Variants in CADPS2 observed in about 807,000 individuals in gnomAD.
CADPS2 encodes calcium-dependent secretion activator 2.
In CADPS2, 93 loss-of-function variants were observed where a neutral mutation model predicts 172.5. The ratio of observed to expected loss-of-function variants is 0.54; its 90% CI spans 0.46 to 0.64. The LOEUF is 0.64. CADPS2 is among the 30% of genes least tolerant of loss of function. The probability of loss-of-function intolerance (pLI) is 0.00; values close to 1 mark genes in which losing one functional copy is unlikely to be tolerated. For missense variants in CADPS2, 1,420 were observed against 1,565.9 expected (o/e 0.91, Z 1.57); for synonymous variants, 546 against 555.2 (o/e 0.98, Z 0.23).
chr7:122,414,738 C>A (rs79769016), intron 18 of CADPS2, among the ~76,000 whole-genome samples: 1 of 152,128 alleles, frequency 6.6e-6, no homozygotes, highest in East Asian at 1.9e-4. Flanking sequence ...TAACCAGATA[C>A]AATAAATCTT....
chr7:122,678,945 T>C (rs1481306395), intron 2 of CADPS2, among the ~76,000 whole-genome samples: 1 of 152,178 alleles, frequency 6.6e-6, no homozygotes, highest in Non-Finnish European at 1.5e-5. Context: ...TTCCTATGCC[T>C]GTCTTTTATC....
At chr7:122,788,550 G>A (rs961585186) in intron 1 of CADPS2, among the ~76,000 whole-genome samples, 14 of 152,070 alleles carry the variant, frequency 9.2e-5, no homozygotes, top group Admixed American at 2.0e-4. Context: ...CTTAAACTCC[G>A]CCCTTCTCAA....
intron 3 of CADPS2, among the ~76,000 whole-genome samples, chr7:122,643,979 C>T (rs1018905728): frequency 1.3e-5 from 2 of 152,006 alleles, no homozygotes; most frequent in South Asian, 2.1e-4. Context: ...ATCCCATGTA[C>T]TCCAGAGGCT....
At chr7:122,531,968 T>A (rs559527944) in intron 8 of CADPS2, among the ~76,000 whole-genome samples, 4 of 151,032 alleles carry the variant, frequency 2.6e-5, no homozygotes, top group Non-Finnish European at 4.4e-5. Flanking sequence ...GAGGCGGAGG[T>A]TGCAGTGAGC....
intron 1 of CADPS2, among the ~76,000 whole-genome samples, chr7:122,824,425 C>T (rs1018002542): frequency 2.6e-5 from 4 of 152,104 alleles, no homozygotes; most frequent in Non-Finnish European, 4.4e-5. Context: ...TGAAGCTCTG[C>T]CAGCAACAAA....
intron 6 of CADPS2, among the ~76,000 whole-genome samples, chr7:122,601,726 T>A (rs2072814691): frequency 6.6e-6 from 1 of 152,008 alleles, no homozygotes; most frequent in Non-Finnish European, 1.5e-5. Flanking sequence ...GACGTACTCT[T>A]CCCAGGAAAA....
chr7:122,613,826 G>A (rs1023597480), intron 6 of CADPS2, among the ~76,000 whole-genome samples: 5 of 152,000 alleles, frequency 3.3e-5, no homozygotes, highest in East Asian at 1.9e-4. Context: ...TAATAATTCC[G>A]CTTGGATGCT....
chr7:122,691,729 G>A (rs1362861105), intron 2 of CADPS2, among the ~76,000 whole-genome samples: 1 of 152,154 alleles, frequency 6.6e-6, no homozygotes, highest in African/African-American at 2.4e-5. Context: ...GAATGCATTG[G>A]TCAGGTCCAC....
chr7:122,325,623 A>G (rs774890097), intron 28 of CADPS2, 42 bp from the exon 29 acceptor site: 16 of 1,248,050 alleles, frequency 1.3e-5, no homozygotes, highest in Non-Finnish European at 1.9e-5. Context: ...GAACAAAAAA[A>G]GAAAACAACC....
intron 1 of CADPS2, among the ~76,000 whole-genome samples, chr7:122,777,494 C>T (rs534608689): frequency 2.0e-4 from 31 of 152,230 alleles, no homozygotes; most frequent in Admixed American, 8.5e-4. Context: ...ATCTCTTAAA[C>T]GGGCTACAAG....
rs191455405 is a variant in CADPS2 at position 122,578,922 on chromosome 7, G to C, written c.1335+2257C>G. Among the ~76,000 whole-genome samples the C allele has an allele frequency of 2.2e-3, 338 of 152,166 alleles. 1 individual carries two copies. Among genetic ancestry groups the C allele is most frequent in the African/African-American group, 7.8e-3 (324 of 41,550 alleles). The stretch of plus-strand genomic sequence containing the variant: ...AGTTGCAAATGGATCTGGTGCTAGG[G>C]TGAGAAAAGGGGAAACAAGGGAGAT... On this transcript the variant is annotated intron_variant, in intron 7 of 29. Coordinates refer to ENST00000449022, the MANE Select transcript of CADPS2 (RefSeq NM_017954.11).
rs760993768 is a variant in CADPS2 at position 122,441,579 on chromosome 7, TAAAAACAAAAGA to T, written c.2289-16_2289-5del. ...TCGTCCAAAGGGAAAACAGTATCTT[TAAAAACAAAAGA>T]AAGAACAAAAGAGTCAAACATTTAA... On this transcript the variant is annotated splice_region_variant and splice_polypyrimidine_tract_variant and intron_variant, in intron 15 of 29. Coordinates refer to ENST00000449022, the MANE Select transcript of CADPS2 (RefSeq NM_017954.11). The T allele has an allele frequency of 1.3e-6, 2 of 1,522,988 alleles. No homozygotes were observed. Among genetic ancestry groups the T allele is most frequent in the African/African-American group, 2.8e-5 (2 of 71,488 alleles). 94.3% of individuals were successfully genotyped at this position (1,522,988 alleles called of 1,614,324 possible).
intron 8 of CADPS2, among the ~76,000 whole-genome samples, chr7:122,527,611 A>T (rs62474625): frequency 2.7e-4 from 30 of 110,804 alleles, no homozygotes; most frequent in African/African-American, 9.5e-4. Flanking sequence ...AGAGAGAGAG[A>T]GAGAGAGTGT....
Position 122,443,809 on chromosome 7 carries a change from TCTTGA to T in CADPS2, c.2289-2239_2289-2235del, listed in dbSNP as rs569534927. 3.0e-3 allele frequency among the ~76,000 whole-genome samples: 460 copies of T among 152,040 alleles called. 3 individuals carry two copies. The highest frequency in any genetic ancestry group is 0.011 in the African/African-American group (444 of 41,534). The stretch of plus-strand genomic sequence containing the variant: ...TCAATTGTACATTAATATTTTTACT[TCTTGA>T]CTTTTCAATTTTAAATATTATCCTA... On this transcript the variant is annotated intron_variant, in intron 15 of 29. Transcript: ENST00000449022.
intron 14 of CADPS2, among the ~76,000 whole-genome samples, chr7:122,465,248 C>T (rs2054983542): frequency 6.6e-6 from 1 of 152,126 alleles, no homozygotes; most frequent in Admixed American, 6.5e-5. Context: ...TGAAATCTAC[C>T]ATTTCCCAGA....
At chr7:122,816,080 C>T (rs746760469) in intron 1 of CADPS2, among the ~76,000 whole-genome samples, 5 of 151,458 alleles carry the variant, frequency 3.3e-5, no homozygotes, top group Non-Finnish European at 7.4e-5. Flanking sequence ...TTATTAACTA[C>T]AGTCACCTTA....
At chr7:122,743,533 G>A (rs2092590034) in intron 1 of CADPS2, among the ~76,000 whole-genome samples, 1 of 152,084 alleles carries the variant, frequency 6.6e-6, no homozygotes. Context: ...AAGTAAAGGT[G>A]GTCACAGTCA....
At chr7:122,614,249 G>A (rs1259633516) in intron 6 of CADPS2, among the ~76,000 whole-genome samples, 3 of 152,006 alleles carry the variant, frequency 2.0e-5, no homozygotes, top group African/African-American at 4.8e-5. Flanking sequence ...AGGTTAGGAT[G>A]AGAAGCTTCA....
chr7:122,883,874 G>A (rs1040406971), intron 1 of CADPS2, among the ~76,000 whole-genome samples: 1 of 151,746 alleles, frequency 6.6e-6, no homozygotes, highest in African/African-American at 2.4e-5. Flanking sequence ...TGCTTTTTTT[G>A]TAGTTTGAAA....
Sources: allele counts gnomAD v4.1 joint callset (sites outside exome capture counted in the v4.1 genomes callset), GRCh38; gene constraint gnomAD v4.1.1; transcripts MANE v1.5; gene names NCBI Gene and HGNC (gene_info 2026-07-23, HGNC 2026-07-21).